ZC3H11A: variants seen among roughly 807,000 people sequenced by gnomAD.
ZC3H11A encodes the protein zinc finger CCCH-type containing 11A.
In ZC3H11A, 22 loss-of-function variants were observed where a neutral mutation model predicts 90.8. That is an observed-to-expected ratio of 0.24 (90% confidence interval 0.17 to 0.35). The LOEUF (loss-of-function observed/expected upper bound fraction) is 0.35, where lower values mean the gene tolerates loss of function less well. Ranked by LOEUF, ZC3H11A falls within the 10% of genes least tolerant of loss-of-function variation. The pLI, the probability that ZC3H11A is intolerant of heterozygous loss-of-function variation, is 1.00. For synonymous variants in ZC3H11A, 294 were observed against 339.8 expected, an observed-to-expected ratio of 0.87 and a Z score of 1.48; for missense variants, 701 against 964.9, an observed-to-expected ratio of 0.73 and a Z score of 3.62.
chr1:203,805,423 G>A (rs575462646), intron 2 of ZC3H11A, among the ~76,000 whole-genome samples: 3 of 152,140 alleles, frequency 2.0e-5, no homozygotes, highest in Admixed American at 6.5e-5. Context: ...GAGCCACCGC[G>A]CCCTGCCAGA....
rs1341876726 is a variant in ZC3H11A at position 203,839,043 on chromosome 1, T to C, written c.973+979T>C. Among the ~76,000 whole-genome samples the C allele has an allele frequency of 7.9e-5, 12 of 151,858 alleles. No individual in the cohort carries two copies. In the South Asian group the frequency reaches 2.3e-3, roughly 29 times the overall value. ...TGCATTTTAAAACCATTACCTTGCC[T>C]GCAATATGGAGACAGATTAGAAGGG... On this transcript the variant is annotated intron_variant, in intron 11 of 17. Transcript: ENST00000367210.
At chr1:203,851,410 A>C (rs909267983) in intron 17 of ZC3H11A, among the ~76,000 whole-genome samples, 3 of 151,858 alleles carry the variant, frequency 2.0e-5, no homozygotes, top group African/African-American at 7.3e-5. Flanking sequence ...GCTCACTGCA[A>C]CCTCCACTTC....
rs767249651 is a variant in ZC3H11A, at chr1:203,833,861, A to G, written c.874+8A>G. The stretch of plus-strand genomic sequence containing the variant: ...AACGAAAATTTTCAGCAGGTAAGAT[A>G]AGTTTTGTGTATATCTTTTCTTTTC... On this transcript the variant is annotated splice_region_variant and intron_variant, in intron 10 of 17. Transcript: ENST00000367210. The G allele has an allele frequency of 1.9e-6, 3 of 1,608,700 alleles. No individual in the cohort carries two copies. Among genetic ancestry groups the G allele is most frequent in the South Asian group, 1.1e-5 (1 of 90,116 alleles).
intron 2 of ZC3H11A, among the ~76,000 whole-genome samples, chr1:203,813,316 C>T (rs562318643): frequency 3.3e-5 from 5 of 152,162 alleles, no homozygotes; most frequent in African/African-American, 9.6e-5. Context: ...AAGCAATTCT[C>T]TTGCCTCAGC....
chr1:203,841,781 C>T (rs1426205717), intron 12 of ZC3H11A, among the ~76,000 whole-genome samples: 2 of 147,278 alleles, frequency 1.4e-5, no homozygotes, highest in South Asian at 2.1e-4. Flanking sequence ...CGGGTGGAGG[C>T]GCCCCCCACC....
chr1:203,812,268 C>T (rs982069271), intron 2 of ZC3H11A, among the ~76,000 whole-genome samples: 2 of 152,144 alleles, frequency 1.3e-5, no homozygotes, highest in African/African-American at 2.4e-5. Context: ...GATCCTCTCC[C>T]TCCTCCCACC....
intron 4 of ZC3H11A, among the ~76,000 whole-genome samples, chr1:203,827,702 G>T (rs1310604287): frequency 6.6e-6 from 1 of 151,672 alleles, no homozygotes; most frequent in Admixed American, 6.6e-5. Flanking sequence ...AAAAAGTAAG[G>T]TGACTTGGGA....
rs779785430 is a variant in ZC3H11A at position 203,850,496 on chromosome 1, T to A, written c.1940-19T>A. 4 of 1,613,930 alleles carry A rather than the reference T, an allele frequency of 2.5e-6. No individual in the cohort carries two copies. The highest frequency in any genetic ancestry group is 1.3e-5 in the African/African-American group (1 of 75,056). On this transcript the variant is annotated intron_variant, in intron 15 of 17. Coordinates refer to ENST00000367210, the MANE Select transcript of ZC3H11A (RefSeq NM_001376342.1). ...GAGTCTATTCTCACTGCTTATCAGA[T>A]ATTTTCTGCCCTTTGTAGCTAAACC... is the stretch of plus-strand genomic sequence containing the variant.
chr1:203,829,358 A>G (rs1043816289), intron 5 of ZC3H11A, 93 bp from the exon 6 acceptor site: 43 of 1,273,156 alleles, frequency 3.4e-5, no homozygotes, highest in Non-Finnish European at 4.3e-5. Context: ...TCATAAGACA[A>G]ATACACTATA....
chr1:203,831,057 G>A lies in ZC3H11A; in HGVS notation c.701-604G>A, dbSNP rs377076296. ...ACCTCCCAGTTCAAGCTATTCTGCT[G>A]CCTCAGCCTCCTGAGTAGCTGGGAT... On this transcript the variant is annotated intron_variant, in intron 8 of 17. Transcript: ENST00000367210. Among the ~76,000 whole-genome samples, 6 of 144,494 alleles carry A rather than the reference G, an allele frequency of 4.2e-5. No individual in the cohort carries two copies. In the East Asian group the frequency reaches 8.7e-4, roughly 21 times the overall value. 94.8% of individuals were successfully genotyped at this position (144,494 alleles called of 152,430 possible).
At chr1:203,817,907 C>G (rs943539288) in intron 3 of ZC3H11A, among the ~76,000 whole-genome samples, 1 of 152,022 alleles carries the variant, frequency 6.6e-6, no homozygotes, top group Non-Finnish European at 1.5e-5. Context: ...CGCCTGCCAC[C>G]ACACCCAGCT....
chr1:203,833,760 G>A, intron 9 of ZC3H11A, 31 bp from the exon 10 acceptor site: 1 of 1,597,752 alleles, frequency 6.3e-7, no homozygotes, highest in Non-Finnish European at 8.5e-7. Context: ...AATTGACTAA[G>A]GATAGAGAAA....
At chr1:203,843,560 C>A (rs2103322048) in intron 12 of ZC3H11A, among the ~76,000 whole-genome samples, 1 of 152,264 alleles carries the variant, frequency 6.6e-6, no homozygotes, top group Admixed American at 6.5e-5. Context: ...ACTTTGCAGT[C>A]CACAGTATTG....
chr1:203,797,745 C>T (rs978986189), intron 1 of ZC3H11A: 11 of 1,535,172 alleles, frequency 7.2e-6, no homozygotes, highest in Admixed American at 2.0e-5. Context: ...GGGGAAAAGG[C>T]GTCGAAAAAA....
chr1:203,849,782 G>C lies in ZC3H11A; in HGVS notation c.1695G>C (p.Lys565Asn). ...AGAGATGTGAGACCATGAGAGAGAA[G>C]CACATGCAGAAACAGCAGGAGAGGG... is the stretch of plus-strand genomic sequence containing the variant. ...QVKRCETMRE[K>N]HMQKQQEREK... is the part of the protein sequence containing the mutation. Residue 565 changes from lysine to asparagine, a missense_variant, in exon 15 of 18, where the codon AAG becomes AAC. Coordinates refer to ENST00000367210, the MANE Select transcript of ZC3H11A (RefSeq NM_001376342.1). 1 of 1,613,890 alleles carries C rather than the reference G, an allele frequency of 6.2e-7. No individual in the cohort carries two copies. The highest frequency in any genetic ancestry group is 8.5e-7 in the Non-Finnish European group (1 of 1,179,850).
At chr1:203,805,042 A>G (rs776099316) in intron 2 of ZC3H11A, among the ~76,000 whole-genome samples, 1 of 152,138 alleles carries the variant, frequency 6.6e-6, no homozygotes, top group Admixed American at 6.6e-5. Flanking sequence ...GAGTAAATAA[A>G]TGTCCTATTC....
chr1:203,839,341 AGG>A (rs1299073749), intron 11 of ZC3H11A, among the ~76,000 whole-genome samples: 23 of 152,338 alleles, frequency 1.5e-4, no homozygotes, highest in Non-Finnish European at 2.4e-4. Flanking sequence ...TGCGCCCCTC[AGG>A]GAATTAGAAT....
chr1:203,827,452 G>A (rs543237454), intron 4 of ZC3H11A, among the ~76,000 whole-genome samples: 2 of 151,406 alleles, frequency 1.3e-5, no homozygotes, highest in South Asian at 2.1e-4. Context: ...AGGCTGAGGC[G>A]GGCGGATCAC....
chr1:203,800,375 T>C, intron 1 of ZC3H11A: 1 of 978,190 alleles, frequency 1.0e-6, no homozygotes, highest in Non-Finnish European at 1.6e-6. Flanking sequence ...TGAAAAATGT[T>C]AACTACGATT....
Sources: allele counts gnomAD v4.1 joint callset (sites outside exome capture counted in the v4.1 genomes callset), GRCh38; gene constraint gnomAD v4.1.1; transcripts MANE v1.5; gene names NCBI Gene and HGNC (gene_info 2026-07-23, HGNC 2026-07-21).